The following FOXN3 variants were observed in gnomAD, a reference collection of about 807,000 sequenced individuals.
FOXN3 encodes the protein forkhead box protein N3.
FOXN3 carries 7 observed loss-of-function variants against 38.4 expected under a neutral mutation model. The ratio of observed to expected loss-of-function variants is 0.18; its 90% CI spans 0.10 to 0.34. FOXN3 has a LOEUF of 0.34. Among genes scored for constraint, FOXN3 ranks in the 10% least tolerant of loss-of-function variants. The probability of loss-of-function intolerance (pLI) is 1.00; values close to 1 mark genes in which losing one functional copy is unlikely to be tolerated. For missense variants in FOXN3, 456 were observed against 613.4 expected, an observed-to-expected ratio of 0.74 and a Z score of 2.71; for synonymous variants, 230 against 242.2, an observed-to-expected ratio of 0.95 and a Z score of 0.47.
At chr14:89,406,998 GAA>G (rs35141347) in intron 2 of FOXN3, among the ~76,000 whole-genome samples, 3,287 of 128,428 alleles carry the variant, frequency 0.026, 146 homozygotes, top group African/African-American at 0.084. Flanking sequence ...TAGACGAAAT[GAA>G]AAAAAAAAAA....
chr14:89,217,541 A>C (rs976717951), intron 4 of FOXN3, among the ~76,000 whole-genome samples: 1 of 152,178 alleles, frequency 6.6e-6, no homozygotes, highest in Non-Finnish European at 1.5e-5. Flanking sequence ...CTGGGTTCTA[A>C]TTCGCCATTT....
At chr14:89,274,655 C>G (rs1396814126) in intron 4 of FOXN3, among the ~76,000 whole-genome samples, 2 of 152,166 alleles carry the variant, frequency 1.3e-5, no homozygotes, top group Admixed American at 1.3e-4. Context: ...TGCTAAAGCC[C>G]GTGCTCCTTC....
intron 3 of FOXN3, among the ~76,000 whole-genome samples, chr14:89,296,157 G>A (rs1287139133): frequency 2.0e-5 from 3 of 152,196 alleles, no homozygotes; most frequent in East Asian, 3.9e-4. Context: ...TGGGATGCAT[G>A]TTTTGAGTAT....
chr14:89,498,194 T>TTCTC (rs747063601), intron 1 of FOXN3, among the ~76,000 whole-genome samples: 1 of 145,044 alleles, frequency 6.9e-6, no homozygotes, highest in Non-Finnish European at 1.5e-5. Context: ...CTCTGGCTGC[T>TTCTC]TCTCTCTCTC....
At chr14:89,394,165 T>C (rs1430516286) in intron 2 of FOXN3, among the ~76,000 whole-genome samples, 2 of 151,628 alleles carry the variant, frequency 1.3e-5, no homozygotes, top group African/African-American at 2.4e-5. Flanking sequence ...CCAAACACCT[T>C]CTATTAGACC....
intron 1 of FOXN3, among the ~76,000 whole-genome samples, chr14:89,553,519 C>A (rs927060483): frequency 6.6e-6 from 1 of 151,404 alleles, no homozygotes; most frequent in Non-Finnish European, 1.5e-5. Context: ...CAAATACTAA[C>A]TTTTAATTCC....
chr14:89,430,121 G>A (rs1322730305), intron 1 of FOXN3, among the ~76,000 whole-genome samples: 1 of 152,182 alleles, frequency 6.6e-6, no homozygotes, highest in Non-Finnish European at 1.5e-5. Flanking sequence ...AGAAATTGAA[G>A]GCTGACCTTA....
In FOXN3 at chr14:89,510,572, C is replaced by T. The variant is rs577204180; in HGVS notation, c.-14-98082G>A. Among the ~76,000 whole-genome samples, 209 of 152,228 alleles carry T rather than the reference C, an allele frequency of 1.4e-3. 2 individuals are homozygous for T. The highest frequency in any genetic ancestry group is 4.5e-3 in the African/African-American group (187 of 41,532). On this transcript the variant is annotated intron_variant, in intron 1 of 6. Transcript: ENST00000345097. ...GGAGAGGGGGTGGGTAGCTCCACCT[C>T]GACTCTCAGAGGAACCACAAGCACA...
rs1170345532 is a variant in FOXN3 at position 89,225,294 on chromosome 14, G to A, written c.746-44488C>T. On this transcript the variant is annotated intron_variant, in intron 4 of 5. Coordinates refer to ENST00000557258, the MANE Select transcript of FOXN3 (RefSeq NM_005197.4). ...CACACCAGCCTGGGTGACAGAGTGA[G>A]ACTGTCTCTGAAAAATATATAATAC... Among the ~76,000 whole-genome samples the A allele has an allele frequency of 3.9e-5, 6 of 152,038 alleles. No homozygotes were observed. In the East Asian group the frequency reaches 1.2e-3, roughly 30 times the overall value.
intron 5 of FOXN3, among the ~76,000 whole-genome samples, chr14:89,168,185 G>T (rs1016613030): frequency 6.6e-6 from 1 of 152,198 alleles, no homozygotes; most frequent in Non-Finnish European, 1.5e-5. Context: ...AATCTGAACG[G>T]CAAAGACTAT....
intron 4 of FOXN3, among the ~76,000 whole-genome samples, chr14:89,269,651 G>A (rs1479122927): frequency 6.6e-6 from 1 of 151,964 alleles, no homozygotes; most frequent in Non-Finnish European, 1.5e-5. Flanking sequence ...AAACCAGTTA[G>A]GACCACTGCC....
Position 89,506,248 on chromosome 14 carries a change from G to A in FOXN3, c.-14-93758C>T, listed in dbSNP as rs575726280. ...TGGGAAGAGAGGAGCCCCTCTGCTC[G>A]GCCAGCCGCCCCGTCCGGGAGGGAG... On this transcript the variant is annotated intron_variant, in intron 1 of 6. Transcript: ENST00000345097. Among the ~76,000 whole-genome samples the A allele has an allele frequency of 3.6e-3, 276 of 75,892 alleles. 7 individuals are homozygous for A. Among genetic ancestry groups the A allele is most frequent in the African/African-American group, 9.3e-3 (268 of 28,920 alleles). 49.8% of individuals were successfully genotyped at this position (75,892 alleles called of 152,430 possible). A position where few individuals can be genotyped will look rare whatever the true frequency, so the allele number is the denominator to read the frequency against.
intron 1 of FOXN3, among the ~76,000 whole-genome samples, chr14:89,598,283 C>CAATAT (rs1174917673): frequency 6.6e-6 from 1 of 152,124 alleles, no homozygotes; most frequent in Admixed American, 6.5e-5. Flanking sequence ...TTTATAAAGT[C>CAATAT]AATATTTATT....
intron 4 of FOXN3, among the ~76,000 whole-genome samples, chr14:89,212,630 A>C (rs543306532): frequency 6.6e-6 from 1 of 152,290 alleles, no homozygotes; most frequent in South Asian, 2.1e-4. Context: ...AGGATTCTGG[A>C]AATCATTTCT....
intron 1 of FOXN3, among the ~76,000 whole-genome samples, chr14:89,469,234 C>T (rs1310689100): frequency 3.3e-5 from 5 of 152,116 alleles, no homozygotes; most frequent in Non-Finnish European, 7.4e-5. Context: ...CGGGGATCAC[C>T]CTAAGATGCC....
At chr14:89,220,506 G>A (rs1026517951) in intron 4 of FOXN3, among the ~76,000 whole-genome samples, 1 of 152,094 alleles carries the variant, frequency 6.6e-6, no homozygotes, top group Non-Finnish European at 1.5e-5. Flanking sequence ...CTGGTGATAC[G>A]ACTGATTTTT....
chr14:89,175,521 T>C (rs572518751), intron 5 of FOXN3, among the ~76,000 whole-genome samples: 1 of 152,290 alleles, frequency 6.6e-6, no homozygotes, highest in East Asian at 1.9e-4. Context: ...ATGTTACTTA[T>C]TTATCAAACA....
At chr14:89,270,985 T>C (rs1385638918) in intron 4 of FOXN3, among the ~76,000 whole-genome samples, 2 of 152,082 alleles carry the variant, frequency 1.3e-5, no homozygotes, top group African/African-American at 4.8e-5. Context: ...AAGTTCACAC[T>C]TGGCACTGGT....
chr14:89,360,667 C>T lies in FOXN3; in HGVS notation c.544-9859G>A, dbSNP rs1244835762. 2.0e-5 allele frequency among the ~76,000 whole-genome samples: 3 copies of T among 151,672 alleles called. 1 individual carries two copies. The highest frequency in any genetic ancestry group is 6.3e-3 in the Middle Eastern group (2 of 316). ...GCTGATACCCTCACAGCCGCAGGTT[C>T]CCCCATGTTTCCACAAAACTCATCC... On this transcript the variant is annotated intron_variant, in intron 2 of 5. Coordinates refer to ENST00000557258, the MANE Select transcript of FOXN3 (RefSeq NM_005197.4).
Sources: gnomAD v4.1 joint callset for allele counts (sites outside exome capture counted in the v4.1 genomes callset) on GRCh38, gnomAD v4.1.1 for gene constraint, MANE v1.5 for transcripts, NCBI Gene and HGNC (gene_info 2026-07-23, HGNC 2026-07-21) for gene names.